Variants in CNTNAP2 observed in about 807,000 individuals in gnomAD.
CNTNAP2 encodes the protein contactin-associated protein-like 2.
Under a neutral mutation model 155.2 loss-of-function variants are expected in CNTNAP2, and 98 were observed. That is an observed-to-expected ratio of 0.63 (90% CI 0.54 to 0.75). The LOEUF is 0.75. Among genes scored for constraint, CNTNAP2 ranks in the 30% least tolerant of loss-of-function variants. The pLI, the probability that CNTNAP2 is intolerant of heterozygous loss-of-function variation, is 0.00. For missense variants in CNTNAP2, 1,727 were observed against 1,688.1 expected (o/e 1.02, Z -0.40); for synonymous variants, 651 against 631.2 (o/e 1.03, Z -0.47).
intron 18 of CNTNAP2, among the ~76,000 whole-genome samples, chr7:148,201,215 C>T (rs1450875816): frequency 9.2e-5 from 14 of 152,160 alleles, no homozygotes; most frequent in Admixed American, 3.3e-4. Context: ...GTGGTTGCCA[C>T]GTGCCTTCGC....
intron 3 of CNTNAP2, among the ~76,000 whole-genome samples, chr7:146,947,408 C>A (rs7811491): frequency 0.062 from 7,675 of 122,962 alleles, 242 homozygotes; most frequent in Non-Finnish European, 0.08. Flanking sequence ...CTCTCTCTCT[C>A]TCTATATATA....
At chr7:147,493,414 G>C (rs1226786134) in intron 11 of CNTNAP2, among the ~76,000 whole-genome samples, 1 of 152,110 alleles carries the variant, frequency 6.6e-6, no homozygotes, top group Non-Finnish European at 1.5e-5. Flanking sequence ...CAGATGCTCA[G>C]TGTGTCCCTG....
At chr7:148,064,711 C>T (rs1336462330) in intron 15 of CNTNAP2, among the ~76,000 whole-genome samples, 2 of 149,260 alleles carry the variant, frequency 1.3e-5, no homozygotes. Context: ...AAGAATATAC[C>T]TAACCAAAGA....
Position 148,042,806 on chromosome 7 carries a change from C to G in CNTNAP2, c.2383+64817C>G, listed in dbSNP as rs557507939. On this transcript the variant is annotated intron_variant, in intron 15 of 23. Transcript: ENST00000361727. ...TCCATTTTTCTCCCCAAATTAAAAGCTATGGCCACTGTATGTTGAAAAATG... is the reference window on the plus strand; with the variant it reads ...TCCATTTTTCTCCCCAAATTAAAAGGTATGGCCACTGTATGTTGAAAAATG... Among the ~76,000 whole-genome samples the G allele has an allele frequency of 2.6e-5, 4 of 152,318 alleles. No individual in the cohort carries two copies. In the East Asian group the frequency reaches 7.7e-4, roughly 29 times the overall value.
chr7:147,019,442 C>A (rs761556652), intron 3 of CNTNAP2, among the ~76,000 whole-genome samples: 63 of 152,012 alleles, frequency 4.1e-4, no homozygotes, highest in Admixed American at 9.2e-4. Context: ...AATAAACAAA[C>A]ACAAAGTAAA....
chr7:146,679,973 A>G (rs565169270), intron 1 of CNTNAP2, among the ~76,000 whole-genome samples: 1 of 152,338 alleles, frequency 6.6e-6, no homozygotes, highest in East Asian at 1.9e-4. Flanking sequence ...GTCATATAAA[A>G]CAAATGTATC....
chr7:147,022,443 A>G (rs1490869135), intron 3 of CNTNAP2, among the ~76,000 whole-genome samples: 1 of 152,158 alleles, frequency 6.6e-6, no homozygotes, highest in Non-Finnish European at 1.5e-5. Flanking sequence ...TTCACTATGC[A>G]GAAGTGTTCA....
intron 1 of CNTNAP2, among the ~76,000 whole-genome samples, chr7:146,378,178 T>C (rs1405276424): frequency 6.6e-6 from 1 of 152,146 alleles, no homozygotes; most frequent in Non-Finnish European, 1.5e-5. Context: ...CAGGAAATAA[T>C]AACAGGTGAA....
chr7:146,168,615 C>T (rs1006848382), intron 1 of CNTNAP2, among the ~76,000 whole-genome samples: 2 of 152,168 alleles, frequency 1.3e-5, no homozygotes, highest in East Asian at 3.9e-4. Context: ...CTCCTGCTCA[C>T]ATTTACTTGA....
At chr7:148,392,244 TTG>T (rs1307076089) in intron 22 of CNTNAP2, among the ~76,000 whole-genome samples, 1 of 152,128 alleles carries the variant, frequency 6.6e-6, no homozygotes, top group Non-Finnish European at 1.5e-5. Flanking sequence ...CAGCTAATTT[TTG>T]TGTTTTTAGT....
intron 13 of CNTNAP2, among the ~76,000 whole-genome samples, chr7:147,734,158 T>C (rs1218978863): frequency 6.6e-6 from 1 of 152,216 alleles, no homozygotes; most frequent in Non-Finnish European, 1.5e-5. Context: ...GGGTTTGTCA[T>C]AAATAGCCTT....
At chr7:146,457,423 T>A (rs1440458158) in intron 1 of CNTNAP2, among the ~76,000 whole-genome samples, 1 of 136,332 alleles carries the variant, frequency 7.3e-6, no homozygotes, top group Non-Finnish European at 1.6e-5. Flanking sequence ...TATATATTCA[T>A]TTTTGAAGCT....
intron 14 of CNTNAP2, among the ~76,000 whole-genome samples, chr7:147,938,298 C>A (rs2708237): frequency 0.019 from 2,825 of 152,132 alleles, 45 homozygotes; most frequent in Non-Finnish European, 0.025. Context: ...AATACTAAGA[C>A]CTACTATACA....
chr7:146,152,444 G>T (rs1041762817), intron 1 of CNTNAP2, among the ~76,000 whole-genome samples: 1 of 152,004 alleles, frequency 6.6e-6, no homozygotes, highest in South Asian at 2.1e-4. Flanking sequence ...AGCCCAAGGG[G>T]TCTATTGTAC....
In CNTNAP2 at chr7:146,828,097, C is replaced by T. The variant is rs185531091; in HGVS notation, c.209-11614C>T. ...TCATAAAAATTGCTTATAAAATATT[C>T]TAAAAGAAACCCTGAGTAGCTGGCA... is the stretch of plus-strand genomic sequence containing the variant. On this transcript the variant is annotated intron_variant, in intron 2 of 23. Coordinates refer to ENST00000361727, the MANE Select transcript of CNTNAP2 (RefSeq NM_014141.6). 3.9e-5 allele frequency among the ~76,000 whole-genome samples: 6 copies of T among 151,992 alleles called. No homozygotes were observed. In the East Asian group the frequency reaches 1.2e-3, roughly 29 times the overall value.
At chr7:146,260,956 G>C (rs1346537282) in intron 1 of CNTNAP2, among the ~76,000 whole-genome samples, 3 of 152,106 alleles carry the variant, frequency 2.0e-5, no homozygotes, top group Non-Finnish European at 4.4e-5. Flanking sequence ...TAATCCCCAC[G>C]TTTTGAGGGA....
intron 3 of CNTNAP2, among the ~76,000 whole-genome samples, chr7:147,021,608 A>G (rs1482264216): frequency 6.6e-6 from 1 of 152,176 alleles, no homozygotes; most frequent in African/African-American, 2.4e-5. Context: ...AACAACCTCA[A>G]GGTTTCTCCA....
chr7:147,145,316 C>G (rs1016842807), intron 8 of CNTNAP2, among the ~76,000 whole-genome samples: 1 of 152,122 alleles, frequency 6.6e-6, no homozygotes, highest in Non-Finnish European at 1.5e-5. Flanking sequence ...TACCTGGAGA[C>G]ATTGTTGGTT....
chr7:146,619,585 T>G (rs347225), intron 1 of CNTNAP2, among the ~76,000 whole-genome samples: 99,227 of 152,016 alleles, frequency 0.65, 33,806 homozygotes, highest in African/African-American at 0.82. Flanking sequence ...TATAAGAATT[T>G]TATATGACAT....
Sources: gnomAD v4.1 joint callset for allele counts (sites outside exome capture counted in the v4.1 genomes callset) on GRCh38, gnomAD v4.1.1 for gene constraint, MANE v1.5 for transcripts, NCBI Gene and HGNC (gene_info 2026-07-23, HGNC 2026-07-21) for gene names.